The following CAPN3 variants were observed in gnomAD, a reference collection of about 807,000 sequenced individuals.
The protein encoded by CAPN3 is calpain-3.
CAPN3 carries 88 observed loss-of-function variants against 114.0 expected under a neutral mutation model. That is an observed-to-expected ratio of 0.77 (90% confidence interval 0.65 to 0.92). The LOEUF (loss-of-function observed/expected upper bound fraction) is 0.92, where lower values mean the gene tolerates loss of function less well. Ranked by LOEUF, CAPN3 falls within the 40% of genes least tolerant of loss-of-function variation. The probability of loss-of-function intolerance (pLI) is 0.00; values close to 1 mark genes in which losing one functional copy is unlikely to be tolerated. For synonymous variants in CAPN3, 386 were observed against 382.9 expected (o/e 1.01, Z -0.09); for missense variants, 1,028 against 1,069.0 (o/e 0.96, Z 0.53).
intron 23 of CAPN3, 93 bp from the exon 24 acceptor site, chr15:42,411,654 T>A (rs1199684980): frequency 3.2e-6 from 2 of 616,828 alleles, no homozygotes; most frequent in Admixed American, 2.1e-5. Context: ...GCTGGGACTG[T>A]TCCCTTTCCT....
intron 1 of CAPN3, among the ~76,000 whole-genome samples, chr15:42,369,963 C>T (rs2052900420): frequency 6.6e-6 from 1 of 151,348 alleles, no homozygotes; most frequent in African/African-American, 2.4e-5. Flanking sequence ...ACATACATCT[C>T]CTGGGTTCAA....
At chr15:42,370,584 A>G (rs552131720) in intron 1 of CAPN3, among the ~76,000 whole-genome samples, 1 of 152,320 alleles carries the variant, frequency 6.6e-6, no homozygotes, top group East Asian at 1.9e-4. Flanking sequence ...AAGTGAGGTC[A>G]CTGTCCTAGC....
At chr15:42,398,886 G>GGAGGTTCAAGGC (rs1360645079) in intron 9 of CAPN3, among the ~76,000 whole-genome samples, 1 of 146,724 alleles carries the variant, frequency 6.8e-6, no homozygotes, top group South Asian at 2.2e-4. Flanking sequence ...CTGGGTTCAA[G>GGAGGTTCAAGGC]TGATTCTCCT....
chr15:42,360,060 C>G lies in CAPN3; in HGVS notation c.255C>G (p.Thr85=), dbSNP rs773536127. 1.2e-6 allele frequency: 2 copies of G among 1,614,194 alleles called. No individual in the cohort carries two copies. Among genetic ancestry groups the G allele is most frequent in the South Asian group, 1.1e-5 (1 of 91,082 alleles). Residue 85 remains threonine (T), a synonymous_variant, in exon 1 of 24, where the codon ACC becomes ACG. Coordinates refer to ENST00000397163, the MANE Select transcript of CAPN3 (RefSeq NM_000070.3). ...YVDPEFPPDE[T]SLFYSQKFPI... ...ACCCTGAGTTCCCACCGGATGAGACCTCTCTCTTTTATAGCCAGAAGTTCC... is the reference window on the plus strand; with the variant it reads ...ACCCTGAGTTCCCACCGGATGAGACGTCTCTCTTTTATAGCCAGAAGTTCC...
chr15:42,404,391 G>A (rs1483495558), intron 14 of CAPN3: 2 of 456,494 alleles, frequency 4.4e-6, no homozygotes, highest in Non-Finnish European at 4.4e-6. Flanking sequence ...ATGTGTCATC[G>A]CGATACTTGC....
intron 16 of CAPN3, chr15:42,408,730 A>G (rs1313926403): frequency 2.8e-6 from 1 of 354,400 alleles, no homozygotes; most frequent in Non-Finnish European, 5.5e-6. Context: ...GGGGTCCTCT[A>G]GAGCTCACGG....
At chr15:42,387,365 A>G (rs1218263724) in intron 3 of CAPN3, among the ~76,000 whole-genome samples, 2 of 152,200 alleles carry the variant, frequency 1.3e-5, no homozygotes, top group Admixed American at 1.3e-4. Context: ...CCTTCACTGC[A>G]TAGTTCCCAA....
At chr15:42,362,004 C>T (rs2052657162) in intron 1 of CAPN3, among the ~76,000 whole-genome samples, 1 of 152,250 alleles carries the variant, frequency 6.6e-6, no homozygotes, top group South Asian at 2.1e-4. Context: ...CCTCACCAAG[C>T]TCAGGCCAGT....
Position 42,411,917 on chromosome 15 carries a change from A to C in CAPN3, c.*144A>C. The C allele has an allele frequency of 6.4e-7, 1 of 1,558,818 alleles. No homozygotes were observed. The highest frequency in any genetic ancestry group is 8.7e-7 in the Non-Finnish European group (1 of 1,150,896). ...ACCTCATCAGTCATGCTCCTCCTCC[A>C]TTTTACCCCCTACCCATCCTTGATC... is the stretch of plus-strand genomic sequence containing the variant. On this transcript the variant is annotated 3_prime_UTR_variant, in exon 24 of 24. Coordinates refer to ENST00000397163, the MANE Select transcript of CAPN3 (RefSeq NM_000070.3).
chr15:42,402,401 G>T (rs557228116), intron 12 of CAPN3: 1 of 1,442,490 alleles, frequency 6.9e-7, no homozygotes, highest in Non-Finnish European at 9.1e-7. Context: ...CCTCCTCCAC[G>T]CTTACAGCCA....
chr15:42,383,450 A>G (rs1400628118), intron 1 of CAPN3, among the ~76,000 whole-genome samples: 2 of 152,022 alleles, frequency 1.3e-5, no homozygotes, highest in East Asian at 3.9e-4. Flanking sequence ...GAAACCACCC[A>G]TGGTGGCACA....
intron 1 of CAPN3, among the ~76,000 whole-genome samples, chr15:42,382,301 A>G (rs989111051): frequency 2.6e-5 from 4 of 152,162 alleles, no homozygotes; most frequent in Middle Eastern, 3.4e-3. Context: ...CTTTCAATCA[A>G]TATGTAGTAT....
At chr15:42,371,036 T>TA (rs1301864085) in intron 1 of CAPN3, among the ~76,000 whole-genome samples, 2 of 152,138 alleles carry the variant, frequency 1.3e-5, no homozygotes, top group Non-Finnish European at 2.9e-5. Flanking sequence ...TGAAAATTCC[T>TA]ACTTTCATAG....
chr15:42,377,124 G>GTT (rs140331166), intron 1 of CAPN3, among the ~76,000 whole-genome samples: 1 of 148,686 alleles, frequency 6.7e-6, no homozygotes, highest in African/African-American at 2.5e-5. Flanking sequence ...AATAAAGATA[G>GTT]TTTTTTTTTT....
intron 1 of CAPN3, among the ~76,000 whole-genome samples, chr15:42,366,840 C>CTTT (rs1313802964): frequency 8.0e-6 from 1 of 124,308 alleles, no homozygotes; most frequent in African/African-American, 3.4e-5. Flanking sequence ...TTTTTTTTTT[C>CTTT]TTTTTTTTTT....
intron 6 of CAPN3, among the ~76,000 whole-genome samples, chr15:42,391,870 A>T (rs1419651950): frequency 6.6e-6 from 1 of 152,156 alleles, no homozygotes; most frequent in Admixed American, 6.5e-5. Context: ...GGATGTAAAG[A>T]AGGCTAGACT....
rs1302217409 is a variant in CAPN3, at chr15:42,403,012, G to A, written c.1745+10G>A. On this transcript the variant is annotated intron_variant, in intron 13 of 23. Coordinates refer to ENST00000397163, the MANE Select transcript of CAPN3 (RefSeq NM_000070.3). ...AGAGGAACCTCTCTGAGTGAGTGCTGGCCCAGCTTTCCCACGTGTTTCTAA... is the reference window on the plus strand; with the variant it reads ...AGAGGAACCTCTCTGAGTGAGTGCTAGCCCAGCTTTCCCACGTGTTTCTAA... The A allele has an allele frequency of 3.1e-6, 5 of 1,612,004 alleles. No homozygotes were observed. The highest frequency in any genetic ancestry group is 4.2e-6 in the Non-Finnish European group (5 of 1,178,124).
At chr15:42,378,148 G>A (rs540427187) in intron 1 of CAPN3, among the ~76,000 whole-genome samples, 2 of 152,340 alleles carry the variant, frequency 1.3e-5, no homozygotes, top group African/African-American at 4.8e-5. Flanking sequence ...AGCAGCCACG[G>A]CCCTGACTAG....
intron 6 of CAPN3, among the ~76,000 whole-genome samples, chr15:42,390,560 A>C (rs1323918899): frequency 6.6e-6 from 1 of 152,108 alleles, no homozygotes; most frequent in African/African-American, 2.4e-5. Flanking sequence ...TAGTATTTTC[A>C]TAAGTTATAC....
Sources: allele counts gnomAD v4.1 joint callset (sites outside exome capture counted in the v4.1 genomes callset), GRCh38; gene constraint gnomAD v4.1.1; transcripts MANE v1.5; gene names NCBI Gene and HGNC (gene_info 2026-07-23, HGNC 2026-07-21).